TNFRSF25: variants seen among roughly 807,000 people sequenced by gnomAD.
The protein encoded by TNFRSF25 is tumor necrosis factor receptor superfamily member 25.
In TNFRSF25, 28 loss-of-function variants were observed where a neutral mutation model predicts 49.4. The ratio of observed to expected loss-of-function variants is 0.57; its 90% CI spans 0.42 to 0.78. The LOEUF (loss-of-function observed/expected upper bound fraction) is 0.78, where lower values mean the gene tolerates loss of function less well. Among genes scored for constraint, TNFRSF25 ranks in the 30% least tolerant of loss-of-function variants. The pLI is 0.00. For synonymous variants in TNFRSF25, 240 were observed against 234.2 expected (o/e 1.02, Z -0.23); for missense variants, 531 against 581.6 (o/e 0.91, Z 0.90).
Position 6,462,231 on chromosome 1 carries a change from C to CG in TNFRSF25, c.745-58dup. On this transcript the variant is annotated intron_variant, in intron 8 of 9. Coordinates refer to ENST00000356876, the MANE Select transcript of TNFRSF25 (RefSeq NM_003790.3). This position sits in a 1 kb window ranked among gnomAD's most constrained non-coding sequence, Gnocchi z 4.2. ...TGCTTGCCAAGTAAGGCCCCTTACCCGCAGTGCCTCTCCAGGAGGGGACAG... is the reference window on the plus strand; with the variant it reads ...TGCTTGCCAAGTAAGGCCCCTTACCCGGCAGTGCCTCTCCAGGAGGGGACAG... 1.3e-6 allele frequency: 2 copies of CG among 1,540,314 alleles called. No individual in the cohort carries two copies. The highest frequency in any genetic ancestry group is 4.4e-4 in the Middle Eastern group (2 of 4,524).
intron 5 of TNFRSF25, chr1:6,463,494 AGGCG>A (rs1644241004): frequency 4.3e-6 from 1 of 229,954 alleles, no homozygotes; most frequent in South Asian, 7.9e-5. Context: ...TGGGAGGCCA[AGGCG>A]GGTGGATCAC....
At chr1:6,465,622 G>A (rs45587036) in intron 1 of TNFRSF25, 62 bp from the exon 2 acceptor site, 16 of 1,566,016 alleles carry the variant, frequency 1.0e-5, no homozygotes, top group South Asian at 6.9e-5. Context: ...TCCCTGCTGC[G>A]TCTCCTCCAT....
At position 6,461,976 on chromosome 1, in the gene TNFRSF25, G is replaced by A. The variant is rs1295965498; in HGVS notation, c.925+18C>T. ...CAGGAGAATGGGGTCAAGGCCTCAG[G>A]CCACTGATGTCCCTTACCAAGAGCT... On this transcript the variant is annotated intron_variant, in intron 9 of 9. Transcript: ENST00000356876. The surrounding 1 kb of genome is among the most constrained non-coding windows in gnomAD (Gnocchi z 6.3). The A allele has an allele frequency of 6.3e-6, 10 of 1,590,736 alleles. No individual in the cohort carries two copies. The Admixed American group carries it at 9.0e-5, about 14-fold the overall frequency.
intron 6 of TNFRSF25, 36 bp from the exon 7 acceptor site, chr1:6,463,006 C>A (rs1302734309): frequency 6.4e-7 from 1 of 1,558,488 alleles, no homozygotes; most frequent in South Asian, 1.2e-5. Context: ...TGGTTGCCCC[C>A]CTCCTCACCC....
chr1:6,465,572 G>A lies in TNFRSF25; in HGVS notation c.40-12C>T, dbSNP rs1407759071. On this transcript the variant is annotated splice_polypyrimidine_tract_variant and intron_variant, in intron 1 of 9. Transcript: ENST00000356876. ...ACCAGGAGGAGCGCCTGGGGGACAGGTGCTGCTGACTCTCAGCGCAGCTGC... is the reference window on the plus strand; with the variant it reads ...ACCAGGAGGAGCGCCTGGGGGACAGATGCTGCTGACTCTCAGCGCAGCTGC... The A allele has an allele frequency of 1.2e-6, 2 of 1,610,716 alleles. No homozygotes were observed. The highest frequency in any genetic ancestry group is 2.2e-5 in the East Asian group (1 of 44,738).
chr1:6,462,279 C>A lies in TNFRSF25; in HGVS notation c.745-105G>T, dbSNP rs1644198741. On this transcript the variant is annotated intron_variant, in intron 8 of 9. Coordinates refer to ENST00000356876, the MANE Select transcript of TNFRSF25 (RefSeq NM_003790.3). This position sits in a 1 kb window ranked among gnomAD's most constrained non-coding sequence, Gnocchi z 4.2. Reference sequence around the variant, plus strand: ...CAGTCCCTGGTTCAGTCAGCAGACACCCCCGCAATGACACCTCCCACAGTT... The same window carrying A: ...CAGTCCCTGGTTCAGTCAGCAGACAACCCCGCAATGACACCTCCCACAGTT... 3.5e-6 allele frequency: 5 copies of A among 1,415,774 alleles called. No individual in the cohort carries two copies. The highest frequency in any genetic ancestry group is 2.4e-5 in the Admixed American group (1 of 41,202). 87.7% of individuals were successfully genotyped at this position (1,415,774 alleles called of 1,614,324 possible).
chr1:6,462,955 A>G lies in TNFRSF25; in HGVS notation c.614T>C (p.Val205Ala), dbSNP rs774202851. The G allele has an allele frequency of 4.4e-6, 7 of 1,597,090 alleles. No individual in the cohort carries two copies. Among genetic ancestry groups the G allele is most frequent in the Non-Finnish European group, 5.1e-6 (6 of 1,171,648 alleles). The change falls in exon 7 of 10, where the codon GTG (valine) becomes GCG (alanine). Residue 205 changes from valine (V) to alanine (A), a missense_variant. Coordinates refer to ENST00000356876, the MANE Select transcript of TNFRSF25 (RefSeq NM_003790.3). This position sits in a 1 kb window ranked among gnomAD's most constrained non-coding sequence, Gnocchi z 4.2. ...CGWRQMFWVQ[V>A]LLAGLVVPLL... The stretch of plus-strand genomic sequence containing the variant: ...GGGGACCACAAGGCCAGCCAGGAGC[A>G]CCTGGACCCAGAACACTGAAAGCAG...
rs201915171 is a variant in TNFRSF25 at position 6,466,136 on chromosome 1, C to G, written c.-29G>C. On this transcript the variant is annotated 5_prime_UTR_variant, in exon 1 of 10. Coordinates refer to ENST00000356876, the MANE Select transcript of TNFRSF25 (RefSeq NM_003790.3). ...CCTCCGACGGGCGCCCAGGGGCTTCCCGGCTCCGTGCTCTCTGCCCGTCGT... is the reference window on the plus strand; with the variant it reads ...CCTCCGACGGGCGCCCAGGGGCTTCGCGGCTCCGTGCTCTCTGCCCGTCGT... 6.8e-7 allele frequency: 1 copy of G among 1,473,694 alleles called. No individual in the cohort carries two copies. Among genetic ancestry groups the G allele is most frequent in the East Asian group, 2.9e-5 (1 of 34,202 alleles). The allele number at this position is 1,473,694 out of a possible 1,614,324, so 91.3% of individuals were successfully genotyped here.
chr1:6,465,814 C>T (rs1408851407), intron 1 of TNFRSF25: 1 of 1,424,042 alleles, frequency 7.0e-7, no homozygotes, highest in East Asian at 2.6e-5. Flanking sequence ...CAGCAGCGCC[C>T]CCACCCCCAC....
At chr1:6,465,681 C>G in intron 1 of TNFRSF25, 121 bp from the exon 2 acceptor site, 4 of 1,469,656 alleles carry the variant, frequency 2.7e-6, no homozygotes, top group African/African-American at 2.8e-5. Context: ...TCCCAGGCCC[C>G]GGGCAGAAGG....
chr1:6,464,667 G>A lies in TNFRSF25; in HGVS notation c.348C>T (p.Gly116=), dbSNP rs1199118665. 1 of 1,614,058 alleles carries A rather than the reference G, an allele frequency of 6.2e-7. No individual in the cohort carries two copies. Among genetic ancestry groups the A allele is most frequent in the East Asian group, 2.2e-5 (1 of 44,880 alleles). The change falls in exon 4 of 10, where the codon GGC becomes GGT. Residue 116 remains glycine, a synonymous_variant. Transcript: ENST00000356876. ...NCSAVADTRC[G]CKPGWFVECQ... is the part of the protein sequence containing the mutation. ...ACTCCACAAACCAGCCTGGCTTACAGCCACAGCGGGTGTCGGCCACTGCTG... is the reference window on the plus strand; with the variant it reads ...ACTCCACAAACCAGCCTGGCTTACAACCACAGCGGGTGTCGGCCACTGCTG...
chr1:6,461,611 T>G lies in TNFRSF25; in HGVS notation c.1077A>C (p.Ala359=). 6.2e-7 allele frequency: 1 copy of G among 1,609,830 alleles called. No homozygotes were observed. The highest frequency in any genetic ancestry group is 8.5e-7 in the Non-Finnish European group (1 of 1,179,362). ...EFVRTLGLRE[A]EIEAVEVEIG... ...TCTCCACCTCCACGGCTTCGATCTCTGCCTCGCGCAGCCCCAGCGTGCGCA... is the reference window on the plus strand; with the variant it reads ...TCTCCACCTCCACGGCTTCGATCTCGGCCTCGCGCAGCCCCAGCGTGCGCA... The change falls in exon 10 of 10, where the codon GCA becomes GCC. Residue 359 remains alanine (A), a synonymous_variant. Transcript: ENST00000356876. The surrounding 1 kb of genome is among the most constrained non-coding windows in gnomAD (Gnocchi z 6.3).
Position 6,465,734 on chromosome 1 carries a change from G to C in TNFRSF25, c.40-174C>G, listed in dbSNP as rs534524768. On this transcript the variant is annotated intron_variant, in intron 1 of 9. Coordinates refer to ENST00000356876, the MANE Select transcript of TNFRSF25 (RefSeq NM_003790.3). ...AGGAAACTAACTTCCTTCCCCCCGCGCACACACCAGGCTTCGGAGGGGGCG... is the reference window on the plus strand; with the variant it reads ...AGGAAACTAACTTCCTTCCCCCCGCCCACACACCAGGCTTCGGAGGGGGCG... 2,182 of 1,432,380 alleles carry C rather than the reference G, an allele frequency of 1.5e-3. 3 individuals are homozygous for C. The highest frequency in any genetic ancestry group is 1.7e-3 in the Non-Finnish European group (1,903 of 1,096,968). The allele number at this position is 1,432,380 out of a possible 1,614,324, so 88.7% of individuals were successfully genotyped here.
intron 5 of TNFRSF25, 80 bp downstream of exon 5, chr1:6,464,295 C>A: frequency 6.5e-7 from 1 of 1,548,352 alleles, no homozygotes; most frequent in Non-Finnish European, 8.7e-7. Context: ...TATTCCTGAA[C>A]CAGCAGCACC....
chr1:6,464,704 A>C lies in TNFRSF25; in HGVS notation c.311T>G (p.Leu104Arg). The change falls in exon 4 of 10, where the codon CTG (leucine) becomes CGG (arginine). Residue 104 changes from leucine to arginine, a missense_variant. Physicochemically the swap from Leu to Arg is moderately radical, Grantham distance 102 (BLOSUM62 -2). Coordinates refer to ENST00000356876, the MANE Select transcript of TNFRSF25 (RefSeq NM_003790.3). ...GTCGGCCACTGCTGAACAGTTCTCC[A>C]GCGCCACCTGGGAGGCTGGTGGGGG... ...ACDEQASQVA[L>R]ENCSAVADTR... The C allele has an allele frequency of 1.2e-6, 2 of 1,613,140 alleles. No homozygotes were observed. The highest frequency in any genetic ancestry group is 1.7e-6 in the Non-Finnish European group (2 of 1,179,422).
At position 6,461,928 on chromosome 1, in the gene TNFRSF25, A is replaced by G. The variant is rs1036872618; in HGVS notation, c.925+66T>C. The stretch of plus-strand genomic sequence containing the variant: ...GGGGGCAGAAAGGGAACACGTTGTG[A>G]AACCACAACTTCCCACCGCAGACAG... On this transcript the variant is annotated intron_variant, in intron 9 of 9. Coordinates refer to ENST00000356876, the MANE Select transcript of TNFRSF25 (RefSeq NM_003790.3). The surrounding 1 kb of genome is among the most constrained non-coding windows in gnomAD (Gnocchi z 6.3). 2.0e-6 allele frequency: 3 copies of G among 1,537,008 alleles called. No homozygotes were observed. Among genetic ancestry groups the G allele is most frequent in the Non-Finnish European group, 2.6e-6 (3 of 1,145,574 alleles).
Position 6,461,279 on chromosome 1 carries a change from G to T in TNFRSF25, c.*155C>A, listed in dbSNP as rs966539864. 3.2e-6 allele frequency: 3 copies of T among 948,794 alleles called. No homozygotes were observed. The highest frequency in any genetic ancestry group is 3.3e-5 in the African/African-American group (2 of 61,420). 58.8% of individuals were successfully genotyped at this position (948,794 alleles called of 1,614,324 possible). ...CGTGCTTCTTCGCCTTGGCTGGAGC[G>T]ATAGGGGCGAGCAGGGGTGGGGCCG... On this transcript the variant is annotated 3_prime_UTR_variant, in exon 10 of 10. Coordinates refer to ENST00000356876, the MANE Select transcript of TNFRSF25 (RefSeq NM_003790.3). The surrounding 1 kb of genome is among the most constrained non-coding windows in gnomAD (Gnocchi z 6.3).
chr1:6,466,168 G>T lies in TNFRSF25; in HGVS notation c.-61C>A, dbSNP rs1049213072. 3 of 1,362,900 alleles carry T rather than the reference G, an allele frequency of 2.2e-6. No individual in the cohort carries two copies. The highest frequency in any genetic ancestry group is 3.5e-5 in the South Asian group (2 of 56,392). 84.4% of individuals were successfully genotyped at this position (1,362,900 alleles called of 1,614,324 possible). A position where few individuals can be genotyped will look rare whatever the true frequency, so the allele number is the denominator to read the frequency against. On this transcript the variant is annotated 5_prime_UTR_variant, in exon 1 of 10. Coordinates refer to ENST00000356876, the MANE Select transcript of TNFRSF25 (RefSeq NM_003790.3). ...CGTGCTCTCTGCCCGTCGTGGTTCC[G>T]CCTTCAGCCCCGCGCCCGCAGGGCC...
intron 5 of TNFRSF25, chr1:6,463,725 C>CAAAAAAAAAAAAAAAAA (rs55660538): frequency 3.6e-5 from 1 of 27,590 alleles, no homozygotes; most frequent in African/African-American, 1.3e-4. Flanking sequence ...GTCTCCATCT[C>CAAAAAAAAAAAAAAAAA]AAAAAAAAAA....
Sources: gnomAD v4.1 joint callset for allele counts on GRCh38, gnomAD v4.1.1 for gene constraint, Gnocchi (gnomAD v3.1) non-coding constraint, MANE v1.5 for transcripts, NCBI Gene and HGNC (gene_info 2026-07-23, HGNC 2026-07-21) for gene names.